Variants in TICRR observed in about 807,000 individuals in gnomAD.
TICRR encodes the protein treslin.
TICRR carries 132 observed loss-of-function variants against 178.1 expected under a neutral mutation model. The ratio of observed to expected loss-of-function variants is 0.74; its 90% CI spans 0.64 to 0.86. The LOEUF (loss-of-function observed/expected upper bound fraction) is 0.86. Ranked by LOEUF, TICRR falls within the 40% of genes least tolerant of loss-of-function variation. TICRR has a pLI of 0.00. For missense variants in TICRR, 2,587 were observed against 2,334.3 expected, an observed-to-expected ratio of 1.11 and a Z score of -2.23; for synonymous variants, 991 against 900.7, an observed-to-expected ratio of 1.10 and a Z score of -1.79.
intron 6 of TICRR, among the ~76,000 whole-genome samples, 161 bp from the exon 7 acceptor site, chr15:89,595,232 T>C (rs533993826): frequency 1.6e-4 from 25 of 152,320 alleles, no homozygotes; most frequent in Non-Finnish European, 2.8e-4. Flanking sequence ...TTCTACCCTG[T>C]GTGTGGGCAG....
At chr15:89,605,032 ATC>A (rs1042944297) in intron 13 of TICRR, among the ~76,000 whole-genome samples, 2 of 152,140 alleles carry the variant, frequency 1.3e-5, no homozygotes, top group African/African-American at 4.8e-5. Context: ...ACTCCAGAAG[ATC>A]ACAAGGATTA....
chr15:89,597,173 AT>A (rs1255084503), intron 7 of TICRR, among the ~76,000 whole-genome samples: 5 of 152,042 alleles, frequency 3.3e-5, no homozygotes, highest in African/African-American at 9.7e-5. Context: ...GCTTTTATCT[AT>A]TGCTAAGATG....
chr15:89,621,565 T>C lies in TICRR; in HGVS notation c.3312+15T>C. 6.3e-7 allele frequency: 1 copy of C among 1,599,176 alleles called. No individual in the cohort carries two copies. The highest frequency in any genetic ancestry group is 8.5e-7 in the Non-Finnish European group (1 of 1,173,596). ...CAGCTTACCAGGTATAATGTTTCTG[T>C]AATGTTTGAAATAATATAATCTCCT... On this transcript the variant is annotated intron_variant, in intron 19 of 21. Transcript: ENST00000268138.
intron 15 of TICRR, 149 bp downstream of exon 15, chr15:89,609,098 A>ATTTTTTTTTTTTT (rs1404698569): frequency 6.0e-6 from 1 of 167,108 alleles, no homozygotes; most frequent in African/African-American, 6.0e-5. Flanking sequence ...AATTTTGTTA[A>ATTTTTTTTTTTTT]TCTTTTTTTT....
At chr15:89,610,962 T>C (rs1411990507) in intron 15 of TICRR, among the ~76,000 whole-genome samples, 1 of 152,160 alleles carries the variant, frequency 6.6e-6, no homozygotes, top group African/African-American at 2.4e-5. Context: ...TCTGCTACTA[T>C]GTATTTCTGT....
chr15:89,599,090 T>C (rs766409655), intron 7 of TICRR, among the ~76,000 whole-genome samples: 1 of 151,900 alleles, frequency 6.6e-6, no homozygotes, highest in Non-Finnish European at 1.5e-5. Flanking sequence ...ACCAGATAAT[T>C]CTTCGTTGTA....
intron 21 of TICRR, 130 bp downstream of exon 21, chr15:89,626,191 C>T (rs750296872): frequency 1.8e-5 from 18 of 973,098 alleles, no homozygotes; most frequent in Middle Eastern, 2.3e-4. Flanking sequence ...TTCGCGCCTA[C>T]AGCGTCATGT....
At chr15:89,601,684 A>C in intron 11 of TICRR, 53 bp from the exon 12 acceptor site, 1 of 1,612,512 alleles carries the variant, frequency 6.2e-7, no homozygotes, top group South Asian at 1.1e-5. Context: ...TGAGGGAGGG[A>C]ATAGAGAGGG....
At chr15:89,582,395 T>G (rs1172159346) in intron 1 of TICRR, 1 of 331,416 alleles carries the variant, frequency 3.0e-6, no homozygotes, top group African/African-American at 2.1e-5. Flanking sequence ...TTTTATGATC[T>G]ATACCCAGTG....
intron 19 of TICRR, 101 bp from the exon 20 acceptor site, chr15:89,623,522 G>C: frequency 8.3e-7 from 1 of 1,200,978 alleles, no homozygotes. Flanking sequence ...CATTCCTTTG[G>C]CTGACTATAA....
At chr15:89,580,822 A>G (rs1409730858) in intron 1 of TICRR, among the ~76,000 whole-genome samples, 1 of 152,176 alleles carries the variant, frequency 6.6e-6, no homozygotes, top group Non-Finnish European at 1.5e-5. Flanking sequence ...TCTTGCACCC[A>G]GGAGTTTGAG....
Position 89,616,419 on chromosome 15 carries a change from C to G in TICRR, c.2884C>G (p.Leu962Val). Residue 962 changes from leucine (L) to valine (V), a missense_variant, in exon 16 of 22, where the codon CTG becomes GTG. Coordinates refer to ENST00000268138, the MANE Select transcript of TICRR (RefSeq NM_152259.4). The part of the protein sequence containing the change: ...FKKNKGYHKL[L>V]TKSVAETPVH... ...TTACATTTTAGGTTATCACAAACTG[C>G]TGACTAAGAGTGTGGCCGAGACTCC... 6.2e-7 allele frequency: 1 copy of G among 1,613,896 alleles called. No homozygotes were observed. The highest frequency in any genetic ancestry group is 1.1e-5 in the South Asian group (1 of 91,072).
chr15:89,624,815 C>A lies in TICRR; in HGVS notation c.4505C>A (p.Ser1502Tyr). 6.2e-7 allele frequency: 1 copy of A among 1,614,170 alleles called. No individual in the cohort carries two copies. The stretch of plus-strand genomic sequence containing the variant: ...GCAGATGCTGAGAAGTCTTCTCTGT[C>A]TCACCCTGGGATTCCCCCATCTCCT... ...RTADAEKSSLSHPGIPPSPPS... is the reference protein window; with the variant it reads ...RTADAEKSSLYHPGIPPSPPS... The change falls in exon 20 of 22, where the codon TCT (serine) becomes TAT (tyrosine). Residue 1502 changes from serine to tyrosine, a missense_variant. Ser to Tyr is a moderately radical substitution (Grantham distance 144). Coordinates refer to ENST00000268138, the MANE Select transcript of TICRR (RefSeq NM_152259.4).
chr15:89,585,591 C>T, intron 3 of TICRR, 117 bp from the exon 4 acceptor site: 3 of 724,036 alleles, frequency 4.1e-6, no homozygotes, highest in South Asian at 1.8e-5. Flanking sequence ...CTATCTTTTT[C>T]ATAGTTTTCA....
chr15:89,582,816 G>A lies in TICRR; in HGVS notation c.785G>A (p.Ser262Asn). 6.2e-7 allele frequency: 1 copy of A among 1,614,176 alleles called. No homozygotes were observed. The highest frequency in any genetic ancestry group is 8.5e-7 in the Non-Finnish European group (1 of 1,180,022). The change falls in exon 2 of 22, where the codon AGT becomes AAT. Residue 262 changes from serine to asparagine, a missense_variant. Ser to Asn is a conservative substitution (Grantham distance 46, BLOSUM62 1). Transcript: ENST00000268138. ...CAAGCTGGGGAAATGCTGCTCAGGA[G>A]TGGAATAAAGCTGTCAAGTGAACCT... Reference protein sequence around the residue: ...FAQAGEMLLRSGIKLSSEPHL... With the variant: ...FAQAGEMLLRNGIKLSSEPHL...
At chr15:89,599,959 A>T (rs1051815856) in intron 8 of TICRR, among the ~76,000 whole-genome samples, 1 of 152,120 alleles carries the variant, frequency 6.6e-6, no homozygotes, top group Middle Eastern at 3.2e-3. Flanking sequence ...TACAAAAATC[A>T]GCTGGATGTG....
At position 89,581,858 on chromosome 15, in the gene TICRR, G is replaced by C. The variant is rs143214061; in HGVS notation, c.655-828G>C. Among the ~76,000 whole-genome samples the C allele has an allele frequency of 7.0e-4, 106 of 152,278 alleles. 2 individuals carry two copies. The highest frequency in any genetic ancestry group is 2.5e-3 in the African/African-American group (105 of 41,550). On this transcript the variant is annotated intron_variant, in intron 1 of 21. Transcript: ENST00000268138. ...TTAGAGGCAGAGCACAGACTTTACA[G>C]GCTATGGTAACAGTTAGGGCAAAAG...
chr15:89,619,221 CT>C (rs386383750), intron 17 of TICRR, among the ~76,000 whole-genome samples: 137 of 111,986 alleles, frequency 1.2e-3, no homozygotes, highest in Non-Finnish European at 1.6e-3. Context: ...CACCATTCTT[CT>C]TTTTTTTTTT....
intron 4 of TICRR, among the ~76,000 whole-genome samples, chr15:89,590,958 T>G (rs1001901112): frequency 3.3e-5 from 5 of 152,200 alleles, no homozygotes; most frequent in African/African-American, 1.2e-4. Flanking sequence ...TCTGTTACTG[T>G]TCCCCCAACC....
Sources: gnomAD v4.1 joint callset for allele counts (sites outside exome capture counted in the v4.1 genomes callset) on GRCh38, gnomAD v4.1.1 for gene constraint, MANE v1.5 for transcripts, NCBI Gene and HGNC (gene_info 2026-07-23, HGNC 2026-07-21) for gene names.